The following SCAI variants were observed in gnomAD, a reference collection of about 807,000 sequenced individuals.
SCAI encodes protein SCAI.
In SCAI, 24 loss-of-function variants were observed where a neutral mutation model predicts 92.2. That is an observed-to-expected ratio of 0.26 (90% confidence interval 0.19 to 0.37). The LOEUF (loss-of-function observed/expected upper bound fraction) is 0.37. Ranked by LOEUF, SCAI falls within the 10% of genes least tolerant of loss-of-function variation. SCAI has a pLI of 1.00. For synonymous variants in SCAI, 261 were observed against 258.6 expected, an observed-to-expected ratio of 1.01 and a Z score of -0.09; for missense variants, 450 against 736.2, an observed-to-expected ratio of 0.61 and a Z score of 4.50.
intron 14 of SCAI, among the ~76,000 whole-genome samples, chr9:124,993,316 C>T (rs1480139686): frequency 5.9e-5 from 9 of 152,148 alleles, no homozygotes; most frequent in Non-Finnish European, 8.8e-5. Flanking sequence ...TGGCTGGGTA[C>T]GGTGGAACAC....
intron 2 of SCAI, among the ~76,000 whole-genome samples, chr9:125,062,568 T>C (rs1833790654): frequency 6.8e-6 from 1 of 147,516 alleles, no homozygotes; most frequent in African/African-American, 2.5e-5. Context: ...CTGACCAACA[T>C]GGTGAATGAA....
chr9:124,971,971 CA>C (rs1284479904), intron 15 of SCAI, 127 bp from the exon 16 acceptor site: 1 of 506,190 alleles, frequency 2.0e-6, no homozygotes, highest in African/African-American at 2.0e-5. Context: ...CATAATTCAT[CA>C]AAGCAGATTC....
chr9:124,961,128 T>TAAAAAAAAAAAAAAA (rs11382746), intron 17 of SCAI, among the ~76,000 whole-genome samples: 1 of 119,874 alleles, frequency 8.3e-6, no homozygotes. Context: ...TGTCTCAAAT[T>TAAAAAAAAAAAAAAA]AAAAAAAAAA....
intron 6 of SCAI, among the ~76,000 whole-genome samples, chr9:125,024,172 C>T (rs1228136313): frequency 6.6e-6 from 1 of 151,178 alleles, no homozygotes; most frequent in Admixed American, 6.6e-5. Context: ...TTCTTCTGAA[C>T]AATAAATGAC....
At chr9:125,113,663 ATTTTT>A (rs36106766) in intron 2 of SCAI, among the ~76,000 whole-genome samples, 156 of 135,292 alleles carry the variant, frequency 1.2e-3, no homozygotes, top group African/African-American at 4.1e-3. Context: ...AAGTATAAAG[ATTTTT>A]TTTTTTTTTT....
At position 125,133,182 on chromosome 9, in the gene SCAI, G is replaced by C. The variant is rs138113549; in HGVS notation, c.98+9451C>G. Among the ~76,000 whole-genome samples the C allele has an allele frequency of 1.3e-3, 192 of 152,246 alleles. 2 individuals carry two copies. The highest frequency in any genetic ancestry group is 4.3e-3 in the African/African-American group (180 of 41,542). ...CTGTGGGCAGATCACTTGAGGTCAG[G>C]AGTTCGAGACCAGCCTAGGCAACAT... On this transcript the variant is annotated intron_variant, in intron 2 of 17. Transcript: ENST00000336505.
intron 17 of SCAI, among the ~76,000 whole-genome samples, chr9:124,958,710 C>A (rs943876310): frequency 2.6e-5 from 4 of 152,034 alleles, no homozygotes; most frequent in Admixed American, 6.6e-5. Context: ...AATTCGAGAT[C>A]AGCCTGGCCA....
At position 124,943,936 on chromosome 9, in the gene SCAI, C is replaced by G. The variant is rs1212867095; in HGVS notation, c.*8871G>C. ...ATGATTAATGAAATCACTATTTATA[C>G]TGGTGCTACACAACGAAGATAACCT... On this transcript the variant is annotated 3_prime_UTR_variant, in exon 18 of 18. Coordinates refer to ENST00000336505, the MANE Select transcript of SCAI (RefSeq NM_001144877.3). The G allele has an allele frequency of 6.6e-6, 1 of 152,182 alleles. No homozygotes were observed. Among genetic ancestry groups the G allele is most frequent in the Non-Finnish European group, 1.5e-5 (1 of 68,016 alleles). The allele number at this position is 152,182 out of a possible 1,614,324, so 9.4% of individuals were successfully genotyped here.
chr9:125,138,881 T>C (rs1164799410), intron 2 of SCAI, among the ~76,000 whole-genome samples: 2 of 152,200 alleles, frequency 1.3e-5, no homozygotes, highest in African/African-American at 4.8e-5. Flanking sequence ...ATGAGGAAAC[T>C]GAGGCAGAGA....
chr9:124,953,909 G>GT (rs1199104435), intron 17 of SCAI, among the ~76,000 whole-genome samples: 1 of 152,000 alleles, frequency 6.6e-6, no homozygotes, highest in Non-Finnish European at 1.5e-5. Flanking sequence ...ATCTCACTGT[G>GT]TTGCCCAGGC....
At chr9:125,104,656 C>A (rs1834739898) in intron 2 of SCAI, among the ~76,000 whole-genome samples, 1 of 149,548 alleles carries the variant, frequency 6.7e-6, no homozygotes, top group South Asian at 2.1e-4. Context: ...GTAATCCCAG[C>A]ACTTTGGGAG....
intron 6 of SCAI, among the ~76,000 whole-genome samples, chr9:125,022,998 T>G (rs912276124): frequency 3.8e-5 from 4 of 105,142 alleles, no homozygotes; most frequent in African/African-American, 1.2e-4. Context: ...TAAACTTTAC[T>G]CTATGTTTCT....
chr9:125,136,639 TTAG>T (rs1257991367), intron 2 of SCAI, among the ~76,000 whole-genome samples: 2 of 151,880 alleles, frequency 1.3e-5, no homozygotes, highest in Admixed American at 1.3e-4. Context: ...TTTTGTACTT[TTAG>T]TAGAGACGGG....
At chr9:125,063,110 C>CA (rs1554786806) in intron 2 of SCAI, among the ~76,000 whole-genome samples, 5 of 145,028 alleles carry the variant, frequency 3.4e-5, no homozygotes, top group East Asian at 2.0e-4. Flanking sequence ...CCACCCCCCC[C>CA]AGAAAAGGGC....
intron 5 of SCAI, among the ~76,000 whole-genome samples, chr9:125,027,890 A>C (rs943647673): frequency 6.6e-6 from 1 of 152,202 alleles, no homozygotes; most frequent in Non-Finnish European, 1.5e-5. Context: ...GGATGATGAC[A>C]TTTAGATTCC....
intron 9 of SCAI, among the ~76,000 whole-genome samples, chr9:125,016,350 T>C (rs1832758937): frequency 6.7e-6 from 1 of 149,396 alleles, no homozygotes; most frequent in African/African-American, 2.5e-5. Flanking sequence ...ATTGCACCAC[T>C]GCACTCCAGC....
At chr9:125,058,791 A>G (rs905202396) in intron 2 of SCAI, among the ~76,000 whole-genome samples, 1 of 152,212 alleles carries the variant, frequency 6.6e-6, no homozygotes, top group Admixed American at 6.5e-5. Context: ...CAGGGGTAGA[A>G]AAAGTACAGG....
intron 3 of SCAI, among the ~76,000 whole-genome samples, chr9:125,049,356 C>T (rs1350927536): frequency 1.3e-5 from 2 of 152,182 alleles, no homozygotes; most frequent in African/African-American, 2.4e-5. Flanking sequence ...TCTCGAGATG[C>T]TGCCTTATAT....
chr9:124,954,483 G>A (rs1831283641), intron 17 of SCAI, among the ~76,000 whole-genome samples: 1 of 152,192 alleles, frequency 6.6e-6, no homozygotes, highest in Non-Finnish European at 1.5e-5. Flanking sequence ...AATCTCATGA[G>A]GTAGCTTCTG....
Sources: allele counts gnomAD v4.1 joint callset (sites outside exome capture counted in the v4.1 genomes callset), GRCh38; gene constraint gnomAD v4.1.1; transcripts MANE v1.5; gene names NCBI Gene and HGNC (gene_info 2026-07-23, HGNC 2026-07-21).